TANC2: variants seen among roughly 807,000 people sequenced by gnomAD.
TANC2 encodes tetratricopeptide repeat, ankyrin repeat and coiled-coil containing 2.
A neutral mutation model predicts 210.5 loss-of-function variants in TANC2; 26 were observed. The observed-to-expected ratio is 0.12, with a 90% CI of 0.09 to 0.17. The LOEUF is 0.17. TANC2 is among the 10% of genes least tolerant of loss of function. The probability of loss-of-function intolerance (pLI) is 1.00; values close to 1 mark genes in which losing one functional copy is unlikely to be tolerated. For missense variants in TANC2, 2,129 were observed against 2,608.9 expected, an observed-to-expected ratio of 0.82 and a Z score of 4.01; for synonymous variants, 931 against 967.1, an observed-to-expected ratio of 0.96 and a Z score of 0.69.
At chr17:63,198,290 G>A (rs1291385134) in intron 6 of TANC2, among the ~76,000 whole-genome samples, 1 of 152,000 alleles carries the variant, frequency 6.6e-6, no homozygotes, top group Non-Finnish European at 1.5e-5. Context: ...CTACCTCCTG[G>A]GTTCAATGAT....
At chr17:63,222,178 G>T (rs2042211006) in intron 7 of TANC2, among the ~76,000 whole-genome samples, 1 of 152,006 alleles carries the variant, frequency 6.6e-6, no homozygotes, top group African/African-American at 2.4e-5. Context: ...AGCTTTTTTG[G>T]TACACTTATA....
intron 11 of TANC2, among the ~76,000 whole-genome samples, chr17:63,336,896 GTGACTATGTATGA>G (rs2046049615): frequency 6.6e-6 from 1 of 152,188 alleles, no homozygotes. Flanking sequence ...TGTAATAGTA[GTGACTATGTATGA>G]TGACTTTCTC....
intron 14 of TANC2, among the ~76,000 whole-genome samples, chr17:63,372,662 T>A (rs1027392449): frequency 3.8e-4 from 58 of 152,168 alleles, no homozygotes; most frequent in African/African-American, 1.4e-3. Flanking sequence ...TTGTCCTAGG[T>A]TATAAAGTGT....
At chr17:63,007,665 T>C (rs142571002) in intron 1 of TANC2, among the ~76,000 whole-genome samples, 1 of 152,172 alleles carries the variant, frequency 6.6e-6, no homozygotes, top group Non-Finnish European at 1.5e-5. Flanking sequence ...GAATTATTAC[T>C]TCTCTTCTTG....
intron 5 of TANC2, among the ~76,000 whole-genome samples, chr17:63,187,021 T>C (rs1282072741): frequency 6.6e-6 from 1 of 152,254 alleles, no homozygotes; most frequent in African/African-American, 2.4e-5. Context: ...TGGAGTGTAT[T>C]GTGTTATGAA....
intron 1 of TANC2, chr17:63,005,240 C>T (rs1343172097): frequency 2.0e-5 from 3 of 152,202 alleles, no homozygotes; most frequent in Non-Finnish European, 4.4e-5. Context: ...TGGTCAGAAA[C>T]AAATGGCCAT....
intron 1 of TANC2, among the ~76,000 whole-genome samples, chr17:62,980,228 T>G (rs1598180945): frequency 6.6e-6 from 1 of 152,168 alleles, no homozygotes; most frequent in Non-Finnish European, 1.5e-5. Context: ...CTCCTCCTAT[T>G]GGGAACAGAG....
chr17:63,239,855 A>C (rs2042725421), intron 8 of TANC2, among the ~76,000 whole-genome samples: 1 of 152,160 alleles, frequency 6.6e-6, no homozygotes, highest in Admixed American at 6.6e-5. Context: ...CTCAGAGAGC[A>C]TTCAATCATG....
intron 14 of TANC2, among the ~76,000 whole-genome samples, chr17:63,361,566 A>G (rs1241942261): frequency 6.6e-6 from 1 of 152,212 alleles, no homozygotes; most frequent in Non-Finnish European, 1.5e-5. Context: ...ATGCGGTGGC[A>G]CCTGGAAGCT....
At chr17:63,136,161 A>G (rs952398669) in intron 4 of TANC2, among the ~76,000 whole-genome samples, 2 of 152,160 alleles carry the variant, frequency 1.3e-5, no homozygotes, top group African/African-American at 4.8e-5. Flanking sequence ...TGAAATGAGA[A>G]TTTCTTTAAG....
At chr17:63,206,992 A>C (rs2041735446) in intron 7 of TANC2, among the ~76,000 whole-genome samples, 1 of 152,108 alleles carries the variant, frequency 6.6e-6, no homozygotes, top group Non-Finnish European at 1.5e-5. Flanking sequence ...CCTATAACAA[A>C]AATGACCTGT....
intron 2 of TANC2, among the ~76,000 whole-genome samples, chr17:63,051,001 G>C (rs2035562743): frequency 6.6e-6 from 1 of 152,114 alleles, no homozygotes; most frequent in Admixed American, 6.5e-5. Context: ...TTATGGCAGT[G>C]ATCTCTTTAC....
At chr17:63,397,262 C>T (rs530165066) in intron 18 of TANC2, among the ~76,000 whole-genome samples, 2 of 151,820 alleles carry the variant, frequency 1.3e-5, no homozygotes, top group African/African-American at 2.4e-5. Flanking sequence ...GCAGCAAGAG[C>T]GAACTCCATC....
At chr17:63,205,488 T>C (rs1234555168) in intron 7 of TANC2, among the ~76,000 whole-genome samples, 1 of 151,346 alleles carries the variant, frequency 6.6e-6, no homozygotes, top group Non-Finnish European at 1.5e-5. Context: ...TAGGAGGAAA[T>C]CTTTGGACAT....
intron 2 of TANC2, among the ~76,000 whole-genome samples, chr17:63,059,164 G>A (rs1049334106): frequency 6.6e-6 from 1 of 151,876 alleles, no homozygotes; most frequent in Non-Finnish European, 1.5e-5. Context: ...AAGAGATCTG[G>A]GTCATTGGAC....
chr17:63,084,373 C>G (rs2036883656), intron 3 of TANC2, among the ~76,000 whole-genome samples: 6 of 151,984 alleles, frequency 3.9e-5, no homozygotes, highest in Admixed American at 3.3e-4. Flanking sequence ...CTTTCTCTCT[C>G]TCTCTTTTTT....
In TANC2 at chr17:63,009,525, T is replaced by A. The variant is rs2033772249; in HGVS notation, c.-23-12T>A. On this transcript the variant is annotated splice_polypyrimidine_tract_variant and intron_variant, in intron 1 of 27. Coordinates refer to ENST00000689528, the Ensembl canonical transcript of TANC2. ...TTTTCTTAAACACATTTTCCTATAT[T>A]TTCTTTTACAGTTTTGCAGTAGAAG... 1 of 1,594,202 alleles carries A rather than the reference T, an allele frequency of 6.3e-7. No homozygotes were observed. The highest frequency in any genetic ancestry group is 8.6e-7 in the Non-Finnish European group (1 of 1,163,600).
At chr17:63,375,186 A>G (rs2047387514) in intron 14 of TANC2, among the ~76,000 whole-genome samples, 1 of 152,194 alleles carries the variant, frequency 6.6e-6, no homozygotes, top group South Asian at 2.1e-4. Flanking sequence ...TATGTCCTAC[A>G]TACCACAAAC....
chr17:63,352,737 G>A (rs562520002), intron 13 of TANC2, among the ~76,000 whole-genome samples: 2 of 152,132 alleles, frequency 1.3e-5, no homozygotes, highest in South Asian at 2.1e-4. Flanking sequence ...TTTCATTTCC[G>A]ACAGTGAAAG....
Sources: gnomAD v4.1 joint callset for allele counts (sites outside exome capture counted in the v4.1 genomes callset) on GRCh38, gnomAD v4.1.1 for gene constraint, MANE v1.5 for transcripts, NCBI Gene and HGNC (gene_info 2026-07-23, HGNC 2026-07-21) for gene names.